Variants in FBLN2 observed in about 807,000 individuals in gnomAD.
The protein encoded by FBLN2 is fibulin-2.
FBLN2 carries 81 observed loss-of-function variants against 123.7 expected under a neutral mutation model. The observed-to-expected ratio is 0.65, with a 90% CI of 0.55 to 0.79. FBLN2 has a LOEUF of 0.79. FBLN2 is among the 30% of genes least tolerant of loss of function. FBLN2 has a pLI of 0.00. For synonymous variants in FBLN2, 699 were observed against 701.4 expected (o/e 1.00, Z 0.05); for missense variants, 1,603 against 1,681.3 (o/e 0.95, Z 0.81).
rs530901446 is a variant in FBLN2, at chr3:13,589,560, G to A, written c.1306+17899G>A. Among the ~76,000 whole-genome samples, 9 of 152,200 alleles carry A rather than the reference G, an allele frequency of 5.9e-5. No homozygotes were observed. The South Asian group carries it at 1.5e-3, about 25-fold the overall frequency. On this transcript the variant is annotated intron_variant, in intron 2 of 17. Transcript: ENST00000404922. Reference sequence around the variant, plus strand: ...GGGGGAAGGGGGCTCAGTGAAGAAGGGCCTCAGCCTCATCATTGTCCAGTG... The same window carrying A: ...GGGGGAAGGGGGCTCAGTGAAGAAGAGCCTCAGCCTCATCATTGTCCAGTG...
chr3:13,564,276 T>A (rs538439845), intron 1 of FBLN2, among the ~76,000 whole-genome samples: 255 of 152,266 alleles, frequency 1.7e-3, no homozygotes, highest in Non-Finnish European at 2.7e-3. Context: ...TCTTTGTCAC[T>A]GTCTTGTCTG....
At chr3:13,555,521 CT>C (rs1293224012) in intron 1 of FBLN2, among the ~76,000 whole-genome samples, 1 of 151,770 alleles carries the variant, frequency 6.6e-6, no homozygotes, top group Non-Finnish European at 1.5e-5. Context: ...GTGGCGCCAT[CT>C]CGGCTCACTG....
At chr3:13,616,974 G>A (rs1329674008) in intron 5 of FBLN2, among the ~76,000 whole-genome samples, 1 of 152,204 alleles carries the variant, frequency 6.6e-6, no homozygotes, top group African/African-American at 2.4e-5. Context: ...CCTCCTTGAT[G>A]TCACTGAGGT....
At chr3:13,576,255 T>C (rs150922039) in intron 2 of FBLN2, among the ~76,000 whole-genome samples, 1 of 152,298 alleles carries the variant, frequency 6.6e-6, no homozygotes, top group Non-Finnish European at 1.5e-5. Context: ...AATGAGTAGA[T>C]GGGAACACTG....
In FBLN2 at chr3:13,621,941, C is replaced by T. The variant is rs376080740; in HGVS notation, c.2296+26C>T. 1.9e-3 allele frequency: 3,033 copies of T among 1,604,748 alleles called. 84 individuals are homozygous for T. In the South Asian group the frequency reaches 0.031, roughly 17 times the overall value. On this transcript the variant is annotated intron_variant, in intron 9 of 17. Transcript: ENST00000404922. Reference sequence around the variant, plus strand: ...GTAAGCCAGGGCCCCGCCTGCCGCCCGCCGTCACAGCTCTCCGCTCTGCTC... The same window carrying T: ...GTAAGCCAGGGCCCCGCCTGCCGCCTGCCGTCACAGCTCTCCGCTCTGCTC...
At chr3:13,618,040 A>G in intron 5 of FBLN2, 36 bp from the exon 6 acceptor site, 1 of 1,604,458 alleles carries the variant, frequency 6.2e-7, no homozygotes. Context: ...ACTCTGACCA[A>G]GCTGGCTCTG....
In FBLN2 at chr3:13,614,017, G is replaced by C. The variant is rs1209276084; in HGVS notation, c.1582G>C (p.Val528Leu). ...CCDCCGLGLR[V>L]RAEGQSCESN... is the part of the protein sequence containing the mutation. The stretch of plus-strand genomic sequence containing the variant: ...TGACTGCTGTGGCCTGGGCCTCCGC[G>C]TGCGGGCCGAGGGCCAGTCGTGTGA... Residue 528 changes from valine to leucine, a missense_variant, in exon 5 of 18, where the codon GTG (valine) becomes CTG (leucine). Physicochemically the swap from Val to Leu is conservative, Grantham distance 32. Coordinates refer to ENST00000404922, the MANE Select transcript of FBLN2 (RefSeq NM_001004019.2). 6.2e-7 allele frequency: 1 copy of C among 1,613,150 alleles called. No individual in the cohort carries two copies. Among genetic ancestry groups the C allele is most frequent in the Non-Finnish European group, 8.5e-7 (1 of 1,179,854 alleles).
At position 13,605,515 on chromosome 3, in the gene FBLN2, G is replaced by A. The variant is rs145880358; in HGVS notation, c.1307-2547G>A. On this transcript the variant is annotated intron_variant, in intron 2 of 17. Coordinates refer to ENST00000404922, the MANE Select transcript of FBLN2 (RefSeq NM_001004019.2). ...ACACTTCTGTGTGTTGGTGTGTCCA[G>A]CTCATGCTGCTGTGTGTGTATCCAG... is the stretch of plus-strand genomic sequence containing the variant. 4.7e-4 allele frequency among the ~76,000 whole-genome samples: 71 copies of A among 152,298 alleles called. 1 individual carries two copies. Among genetic ancestry groups the A allele is most frequent in the South Asian group, 1.0e-3 (5 of 4,824 alleles).
intron 2 of FBLN2, among the ~76,000 whole-genome samples, chr3:13,597,009 G>T (rs1222194662): frequency 6.6e-6 from 1 of 152,066 alleles, no homozygotes; most frequent in African/African-American, 2.4e-5. Flanking sequence ...ATAGCTCAAT[G>T]CAGCCTTGAC....
intron 2 of FBLN2, among the ~76,000 whole-genome samples, chr3:13,587,042 G>T (rs530998241): frequency 4.0e-5 from 6 of 151,310 alleles, no homozygotes; most frequent in Middle Eastern, 6.8e-3. Context: ...CTACTCAGGA[G>T]GCTGAGGTAG....
intron 2 of FBLN2, among the ~76,000 whole-genome samples, chr3:13,589,780 G>A (rs906268400): frequency 2.0e-5 from 3 of 152,132 alleles, no homozygotes; most frequent in East Asian, 1.9e-4. Context: ...AAAGGGTACC[G>A]TATAGCTCGT....
At chr3:13,585,459 G>A (rs933091408) in intron 2 of FBLN2, among the ~76,000 whole-genome samples, 10 of 152,150 alleles carry the variant, frequency 6.6e-5, no homozygotes, top group Non-Finnish European at 1.3e-4. Context: ...ACAGTCAAGC[G>A]CTGCATAATG....
chr3:13,565,996 A>G (rs11128645), intron 1 of FBLN2, among the ~76,000 whole-genome samples: 30,167 of 152,228 alleles, frequency 0.2, 3,262 homozygotes, highest in South Asian at 0.4. Context: ...GAGAGGCTGC[A>G]GTGGTTTTAC....
intron 9 of FBLN2, among the ~76,000 whole-genome samples, chr3:13,622,975 T>G (rs1568306): frequency 6.6e-6 from 1 of 152,014 alleles, no homozygotes; most frequent in African/African-American, 2.4e-5. Context: ...GATCAGAACC[T>G]AGTGCGTTCA....
chr3:13,565,225 T>TC (rs2125038350), intron 1 of FBLN2, among the ~76,000 whole-genome samples: 1 of 152,114 alleles, frequency 6.6e-6, no homozygotes, highest in African/African-American at 2.4e-5. Context: ...AATACCCTGG[T>TC]CCCCCCACCC....
chr3:13,620,260 C>T (rs1245908212), intron 8 of FBLN2, among the ~76,000 whole-genome samples: 1 of 152,176 alleles, frequency 6.6e-6, no homozygotes, highest in African/African-American at 2.4e-5. Flanking sequence ...ACGGATGCTG[C>T]TGGTCCGCGG....
chr3:13,635,262 C>T lies in FBLN2; in HGVS notation c.3215-1183C>T, dbSNP rs574464569. 2.7e-3 allele frequency among the ~76,000 whole-genome samples: 406 copies of T among 152,228 alleles called. 5 individuals are homozygous for T. Among genetic ancestry groups the T allele is most frequent in the Non-Finnish European group, 4.1e-3 (281 of 68,020 alleles). On this transcript the variant is annotated intron_variant, in intron 16 of 17. Coordinates refer to ENST00000404922, the MANE Select transcript of FBLN2 (RefSeq NM_001004019.2). ...TGGAACACCCCCTGCCCCTACCCCA[C>T]GGGACTTTCTGGAGGCCTCCTGAGG...
At chr3:13,557,301 A>C (rs1703489105) in intron 1 of FBLN2, among the ~76,000 whole-genome samples, 1 of 152,212 alleles carries the variant, frequency 6.6e-6, no homozygotes, top group Non-Finnish European at 1.5e-5. Context: ...AACCCCAGCA[A>C]CTCAGACATT....
chr3:13,615,709 T>C (rs1251423820), intron 5 of FBLN2, among the ~76,000 whole-genome samples: 16 of 152,234 alleles, frequency 1.1e-4, no homozygotes, highest in Non-Finnish European at 2.4e-4. Context: ...TTGCCGTGCT[T>C]CAGCAGCTCA....
Sources: allele counts gnomAD v4.1 joint callset (sites outside exome capture counted in the v4.1 genomes callset), GRCh38; gene constraint gnomAD v4.1.1; transcripts MANE v1.5; gene names NCBI Gene and HGNC (gene_info 2026-07-23, HGNC 2026-07-21).